Variants in PARM1 observed in about 807,000 individuals in gnomAD.
PARM1 encodes WSC4, cell wall integrity and stress response component 4 homolog.
PARM1 carries 14 observed loss-of-function variants against 24.6 expected under a neutral mutation model. That is an observed-to-expected ratio of 0.57 (90% CI 0.38 to 0.89). The LOEUF is 0.89. Among genes scored for constraint, PARM1 ranks in the 40% least tolerant of loss-of-function variants. The pLI is 0.00. For synonymous variants in PARM1, 179 were observed against 156.6 expected (o/e 1.14, Z -1.07); for missense variants, 362 against 380.4 (o/e 0.95, Z 0.40).
intron 1 of PARM1, among the ~76,000 whole-genome samples, chr4:75,007,109 C>T (rs1019009233): frequency 2.9e-4 from 44 of 152,090 alleles, no homozygotes; most frequent in African/African-American, 1.0e-3. Context: ...ATGCAGCCAA[C>T]AGACACAGGA....
chr4:75,029,745 G>A (rs958115042), intron 2 of PARM1, among the ~76,000 whole-genome samples: 4 of 152,080 alleles, frequency 2.6e-5, no homozygotes, highest in African/African-American at 7.2e-5. Flanking sequence ...AGAAGGGCAG[G>A]GGGCTGGGGA....
At chr4:75,042,854 A>G (rs1432268622) in intron 3 of PARM1, among the ~76,000 whole-genome samples, 1 of 152,044 alleles carries the variant, frequency 6.6e-6, no homozygotes, top group Non-Finnish European at 1.5e-5. Context: ...CTATGGGTTC[A>G]GTACATTCCC....
chr4:75,035,508 T>G (rs966347817), intron 3 of PARM1, among the ~76,000 whole-genome samples: 1 of 152,094 alleles, frequency 6.6e-6, no homozygotes, highest in African/African-American at 2.4e-5. Flanking sequence ...TCCCTCCTGC[T>G]CTTGACCCCA....
At chr4:74,981,349 T>C (rs554207554) in intron 1 of PARM1, among the ~76,000 whole-genome samples, 1 of 151,780 alleles carries the variant, frequency 6.6e-6, no homozygotes, top group South Asian at 2.1e-4. Flanking sequence ...CCAAGAAACA[T>C]ATGTGGCCAA....
chr4:75,017,596 C>A (rs2109798370), intron 2 of PARM1, among the ~76,000 whole-genome samples: 1 of 152,224 alleles, frequency 6.6e-6, no homozygotes, highest in Admixed American at 6.5e-5. Flanking sequence ...CTTAATTTTT[C>A]TTTTTATCGC....
At chr4:74,958,444 T>C (rs965512638) in intron 1 of PARM1, among the ~76,000 whole-genome samples, 5 of 152,118 alleles carry the variant, frequency 3.3e-5, no homozygotes, top group African/African-American at 1.2e-4. Context: ...TTTTACTTGA[T>C]GAAGAAGTAA....
intron 1 of PARM1, among the ~76,000 whole-genome samples, chr4:74,963,023 G>GT (rs1438196109): frequency 2.0e-5 from 3 of 152,208 alleles, no homozygotes; most frequent in Non-Finnish European, 2.9e-5. Context: ...AGATCTGATG[G>GT]TTTTATAAGC....
chr4:75,033,747 G>A (rs554276134), intron 2 of PARM1, 136 bp from the exon 3 acceptor site: 1 of 561,834 alleles, frequency 1.8e-6, no homozygotes, highest in South Asian at 3.2e-5. Flanking sequence ...ATGTCATGCA[G>A]AATGATCTGA....
chr4:74,981,891 A>AAAG (rs1397471996), intron 1 of PARM1, among the ~76,000 whole-genome samples: 1 of 151,862 alleles, frequency 6.6e-6, no homozygotes, highest in African/African-American at 2.4e-5. Context: ...AAAAAAAAAA[A>AAAG]AAAAAAAGAC....
At chr4:74,995,590 C>T (rs1436006518) in intron 1 of PARM1, among the ~76,000 whole-genome samples, 4 of 152,144 alleles carry the variant, frequency 2.6e-5, no homozygotes, top group Admixed American at 2.6e-4. Context: ...GAGTTTCACA[C>T]ATGCTCTGTG....
At chr4:74,948,974 A>G (rs991415171) in intron 1 of PARM1, among the ~76,000 whole-genome samples, 5 of 152,092 alleles carry the variant, frequency 3.3e-5, no homozygotes, top group African/African-American at 1.2e-4. Flanking sequence ...GTGACCCAAG[A>G]TCATGCCACT....
At chr4:74,938,785 A>G (rs1721243363) in intron 1 of PARM1, among the ~76,000 whole-genome samples, 1 of 152,134 alleles carries the variant, frequency 6.6e-6, no homozygotes, top group Non-Finnish European at 1.5e-5. Context: ...AATTTCTTTC[A>G]CTTGTTTTAA....
intron 1 of PARM1, among the ~76,000 whole-genome samples, chr4:74,987,228 A>C (rs997459099): frequency 6.6e-6 from 1 of 152,176 alleles, no homozygotes; most frequent in African/African-American, 2.4e-5. Flanking sequence ...CCTAGAGGAA[A>C]GAATCTGGTC....
intron 1 of PARM1, among the ~76,000 whole-genome samples, chr4:74,982,107 T>C (rs997006730): frequency 7.9e-5 from 12 of 152,168 alleles, no homozygotes; most frequent in African/African-American, 2.4e-4. Flanking sequence ...TGGAATACTA[T>C]GCACCCATAA....
intron 2 of PARM1, among the ~76,000 whole-genome samples, chr4:75,029,962 T>G (rs1723246053): frequency 6.6e-6 from 1 of 152,152 alleles, no homozygotes; most frequent in Non-Finnish European, 1.5e-5. Flanking sequence ...AAGTACCCAC[T>G]GTGGGCCAAA....
chr4:74,984,645 A>G (rs1483346294), intron 1 of PARM1, among the ~76,000 whole-genome samples: 1 of 152,230 alleles, frequency 6.6e-6, no homozygotes, highest in Non-Finnish European at 1.5e-5. Context: ...CAAAATAAAA[A>G]AGCATTAAGT....
chr4:75,025,120 C>T (rs1723159127), intron 2 of PARM1, among the ~76,000 whole-genome samples: 1 of 152,240 alleles, frequency 6.6e-6, no homozygotes, highest in Non-Finnish European at 1.5e-5. Flanking sequence ...CATGGAGATG[C>T]TGGCACCTAC....
Position 74,958,977 on chromosome 4 carries a change from T to C in PARM1, c.43+25607T>C, listed in dbSNP as rs1721705019. 2.0e-5 allele frequency among the ~76,000 whole-genome samples: 3 copies of C among 152,172 alleles called. No individual in the cohort carries two copies. In the South Asian group the frequency reaches 6.2e-4, roughly 32 times the overall value. ...TCAAGAGTCTTTTTAAAGAAAAAGATCTAGAATAGGGCTATCCAACACAAA... is the reference window on the plus strand; with the variant it reads ...TCAAGAGTCTTTTTAAAGAAAAAGACCTAGAATAGGGCTATCCAACACAAA... On this transcript the variant is annotated intron_variant, in intron 1 of 3. Transcript: ENST00000307428.
intron 1 of PARM1, among the ~76,000 whole-genome samples, chr4:74,988,712 A>G (rs1402432804): frequency 1.3e-5 from 2 of 152,202 alleles, no homozygotes; most frequent in Admixed American, 6.5e-5. Flanking sequence ...CTGTATGGCT[A>G]TTACTTCTGG....
Sources: allele counts gnomAD v4.1 joint callset (sites outside exome capture counted in the v4.1 genomes callset), GRCh38; gene constraint gnomAD v4.1.1; transcripts MANE v1.5; gene names NCBI Gene and HGNC (gene_info 2026-07-23, HGNC 2026-07-21).